NPHP1: variants seen among roughly 807,000 people sequenced by gnomAD.
The protein encoded by NPHP1 is nephrocystin-1.
NPHP1 carries 70 observed loss-of-function variants against 90.4 expected under a neutral mutation model. The observed-to-expected ratio is 0.77, with a 90% CI of 0.64 to 0.95. NPHP1 has a LOEUF of 0.95. Among genes scored for constraint, NPHP1 ranks in the 40% least tolerant of loss-of-function variants. The probability of loss-of-function intolerance (pLI) is 0.00; values close to 1 mark genes in which losing one functional copy is unlikely to be tolerated. For missense variants in NPHP1, 764 were observed against 795.9 expected, an observed-to-expected ratio of 0.96 and a Z score of 0.48; for synonymous variants, 256 against 271.7, an observed-to-expected ratio of 0.94 and a Z score of 0.57.
chr2:110,142,173 C>G (rs774100062), intron 16 of NPHP1, among the ~76,000 whole-genome samples: 1 of 151,884 alleles, frequency 6.6e-6, no homozygotes, highest in Non-Finnish European at 1.5e-5. Context: ...CTAGAAACAA[C>G]CCAAATGCCC....
Position 110,123,644 on chromosome 2 carries a change from A to C in NPHP1, c.*147T>G. ...AAAATATTTAAATTATTGTATAAAC[A>C]TTTCTTTAAAAATATGGTCTGTAGA... is the stretch of plus-strand genomic sequence containing the variant. On this transcript the variant is annotated 3_prime_UTR_variant, in exon 20 of 20. Transcript: ENST00000445609. 1 of 733,882 alleles carries C rather than the reference A, an allele frequency of 1.4e-6. No homozygotes were observed. The highest frequency in any genetic ancestry group is 2.3e-6 in the Non-Finnish European group (1 of 441,500). The allele number at this position is 733,882 out of a possible 1,614,324, so 45.5% of individuals were successfully genotyped here. A position where few individuals can be genotyped will look rare whatever the true frequency, so the allele number is the denominator to read the frequency against.
At chr2:110,168,655 CT>C in intron 5 of NPHP1, 102 bp from the exon 6 acceptor site, 3 of 802,970 alleles carry the variant, frequency 3.7e-6, no homozygotes, top group South Asian at 1.5e-5. Flanking sequence ...AAGGCAAAAT[CT>C]TTTTTTAATC....
intron 17 of NPHP1, among the ~76,000 whole-genome samples, chr2:110,130,047 A>G (rs1352891025): frequency 6.6e-6 from 1 of 152,148 alleles, no homozygotes; most frequent in Non-Finnish European, 1.5e-5. Flanking sequence ...GGGGAGGAAC[A>G]CTGTGCCATC....
chr2:110,190,871 A>G (rs1684671315), intron 2 of NPHP1, among the ~76,000 whole-genome samples: 1 of 152,200 alleles, frequency 6.6e-6, no homozygotes, highest in Non-Finnish European at 1.5e-5. Flanking sequence ...ATAAGAAAAA[A>G]AAACCCCATT....
chr2:110,126,775 T>G (rs1287068275), intron 18 of NPHP1: 1 of 152,800 alleles, frequency 6.5e-6, no homozygotes, highest in Admixed American at 6.5e-5. Context: ...TTGCTACTAC[T>G]TTTATGGCAA....
At chr2:110,178,675 T>C in intron 3 of NPHP1, 128 bp from the exon 4 acceptor site, 1 of 750,700 alleles carries the variant, frequency 1.3e-6, no homozygotes, top group Non-Finnish European at 2.1e-6. Context: ...ACACCTATCT[T>C]AGGGAAATAA....
chr2:110,146,387 T>C (rs1032701064), intron 14 of NPHP1, among the ~76,000 whole-genome samples: 4 of 152,104 alleles, frequency 2.6e-5, no homozygotes, highest in East Asian at 3.9e-4. Context: ...AGAGGAAGGG[T>C]AGAGACTCAC....
chr2:110,184,697 T>C, intron 2 of NPHP1: 1 of 728,978 alleles, frequency 1.4e-6, no homozygotes, highest in South Asian at 1.4e-5. Context: ...TTTCCACTCA[T>C]CCTTTGAGTT....
At chr2:110,141,436 G>A (rs1264109078) in intron 16 of NPHP1, among the ~76,000 whole-genome samples, 1 of 152,024 alleles carries the variant, frequency 6.6e-6, no homozygotes, top group Admixed American at 6.5e-5. Flanking sequence ...GACCCTGATA[G>A]AGATGTTAAA....
intron 5 of NPHP1, among the ~76,000 whole-genome samples, chr2:110,169,065 T>C (rs1030898912): frequency 2.0e-5 from 3 of 152,024 alleles, no homozygotes; most frequent in African/African-American, 7.2e-5. Flanking sequence ...TTTATAAAAA[T>C]AAAATTCATC....
At chr2:110,175,951 T>C (rs1683480760) in intron 4 of NPHP1, among the ~76,000 whole-genome samples, 2 of 152,138 alleles carry the variant, frequency 1.3e-5, no homozygotes, top group Non-Finnish European at 2.9e-5. Flanking sequence ...TTGGGTTCAC[T>C]GATCCCTTCT....
At chr2:110,146,910 A>C (rs754294145) in intron 13 of NPHP1, 75 bp from the exon 14 acceptor site, 1 of 1,029,010 alleles carries the variant, frequency 9.7e-7, no homozygotes, top group Non-Finnish European at 1.5e-6. Context: ...AAGTCCTTTT[A>C]AAGGAACAAA....
intron 3 of NPHP1, 55 bp downstream of exon 3, chr2:110,179,569 A>T: frequency 1.1e-6 from 1 of 879,826 alleles, no homozygotes; most frequent in Non-Finnish European, 1.9e-6. Context: ...CCACTTAATA[A>T]AAATACTTGT....
At position 110,201,467 on chromosome 2, in the gene NPHP1, G is replaced by A; in HGVS notation, c.97C>T (p.Leu33=). 1.9e-6 allele frequency: 3 copies of A among 1,610,514 alleles called. No homozygotes were observed. The highest frequency in any genetic ancestry group is 2.2e-5 in the South Asian group (2 of 90,866). Residue 33 remains leucine, a synonymous_variant, in exon 2 of 20, where the codon CTG becomes TTG. Transcript: ENST00000445609. ...QVDSLLSESQ[L]KEALEPNKRQ... ...TTATTGGGTTCTAGAGCTTCTTTCA[G>A]TTGGCTCTCAGAAAGCAAACTATCA... is the stretch of plus-strand genomic sequence containing the variant.
At chr2:110,186,488 T>C (rs1179455721) in intron 2 of NPHP1, among the ~76,000 whole-genome samples, 1 of 152,084 alleles carries the variant, frequency 6.6e-6, no homozygotes, top group Non-Finnish European at 1.5e-5. Flanking sequence ...CAGGAGCTAA[T>C]GGAGCCAGGC....
chr2:110,125,726 G>A, intron 18 of NPHP1, 45 bp from the exon 19 acceptor site: 1 of 1,508,584 alleles, frequency 6.6e-7, no homozygotes, highest in South Asian at 1.1e-5. Context: ...GTAGTAACAA[G>A]TCCTTGCAAC....
Position 110,151,035 on chromosome 2 carries a change from G to A in NPHP1, c.1084-779C>T, listed in dbSNP as rs1236673455. ...ACAAAAATCAGCTGGGTGTGGTGGT[G>A]TGTGCCTGTAATTCCAGCTACTCAG... On this transcript the variant is annotated intron_variant, in intron 11 of 19. Transcript: ENST00000445609. Among the ~76,000 whole-genome samples, 6 of 151,582 alleles carry A rather than the reference G, an allele frequency of 4.0e-5. No homozygotes were observed. The South Asian group carries it at 1.0e-3, about 26-fold the overall frequency.
intron 2 of NPHP1, among the ~76,000 whole-genome samples, chr2:110,185,962 T>C (rs1257827556): frequency 6.6e-6 from 1 of 152,150 alleles, no homozygotes; most frequent in Non-Finnish European, 1.5e-5. Flanking sequence ...TGCAATGCCA[T>C]CTTCAAACAG....
At chr2:110,126,814 T>C (rs1168203512) in intron 18 of NPHP1, 2 of 152,660 alleles carry the variant, frequency 1.3e-5, no homozygotes, top group Non-Finnish European at 2.9e-5. Flanking sequence ...ACCAACCTAA[T>C]AATATGGTTT....
Sources: gnomAD v4.1 joint callset for allele counts (sites outside exome capture counted in the v4.1 genomes callset) on GRCh38, gnomAD v4.1.1 for gene constraint, MANE v1.5 for transcripts, NCBI Gene and HGNC (gene_info 2026-07-23, HGNC 2026-07-21) for gene names.